The following FMN1 variants were observed in gnomAD, a reference collection of about 807,000 sequenced individuals.
FMN1 encodes formin 1.
In FMN1, 110 loss-of-function variants were observed where a neutral mutation model predicts 132.4. The observed-to-expected ratio is 0.83, with a 90% confidence interval of 0.71 to 0.97. FMN1 has a LOEUF of 0.97. Among genes scored for constraint, FMN1 ranks in the 50% least tolerant of loss-of-function variants. The pLI is 0.00. For synonymous variants in FMN1, 722 were observed against 651.7 expected (o/e 1.11, Z -1.64); for missense variants, 1,792 against 1,705.3 (o/e 1.05, Z -0.90).
chr15:32,826,377 G>A (rs1215640919), intron 17 of FMN1, among the ~76,000 whole-genome samples: 1 of 152,180 alleles, frequency 6.6e-6, no homozygotes, highest in Non-Finnish European at 1.5e-5. Context: ...CACTGAGATC[G>A]AATTCCCTGG....
At chr15:33,087,377 C>T (rs1485286999) in intron 5 of FMN1, among the ~76,000 whole-genome samples, 2 of 152,074 alleles carry the variant, frequency 1.3e-5, no homozygotes, top group Admixed American at 6.5e-5. Flanking sequence ...GAAACCCCAT[C>T]TCTACTAAAA....
At chr15:32,783,626 C>T (rs990759918) in intron 19 of FMN1, among the ~76,000 whole-genome samples, 3 of 151,568 alleles carry the variant, frequency 2.0e-5, no homozygotes, top group Non-Finnish European at 4.4e-5. Context: ...GCCTGTAGTC[C>T]CAGCTACTCA....
At chr15:33,069,991 CTCTTTTTTTTTTT>C (rs1430709136) in intron 5 of FMN1, among the ~76,000 whole-genome samples, 2 of 59,552 alleles carry the variant, frequency 3.4e-5, no homozygotes, top group African/African-American at 9.8e-5. Flanking sequence ...ATCAGTCTTT[CTCTTTTTTTTTTT>C]TTTTTTTTTT....
intron 6 of FMN1, among the ~76,000 whole-genome samples, chr15:33,008,646 T>C (rs1566819473): frequency 6.6e-6 from 1 of 152,286 alleles, no homozygotes; most frequent in East Asian, 1.9e-4. Context: ...CAAAAATAAA[T>C]TTCTGGTCCA....
At chr15:32,993,675 G>GT (rs1475927289) in intron 7 of FMN1, among the ~76,000 whole-genome samples, 1 of 152,174 alleles carries the variant, frequency 6.6e-6, no homozygotes, top group Non-Finnish European at 1.5e-5. Context: ...GAATCAAGCT[G>GT]TACACATTTA....
At chr15:33,138,225 G>A (rs150767248) in intron 4 of FMN1, among the ~76,000 whole-genome samples, 4 of 152,288 alleles carry the variant, frequency 2.6e-5, no homozygotes, top group Non-Finnish European at 5.9e-5. Context: ...TCTGTCAGCA[G>A]GAACACTATC....
chr15:33,160,063 T>A (rs1052928208), intron 3 of FMN1, among the ~76,000 whole-genome samples: 1 of 152,076 alleles, frequency 6.6e-6, no homozygotes, highest in African/African-American at 2.4e-5. Flanking sequence ...AGCCCAGAAG[T>A]ATGGGAAAGA....
chr15:32,908,260 C>G lies in FMN1; in HGVS notation c.3377+230G>C, dbSNP rs969308906. ...AGTTGCTAGAAAAAGAAAGGGGAGT[C>G]TCTTGGGGTGGGGGAGGGGGGTGAG... On this transcript the variant is annotated intron_variant, in intron 12 of 20. Transcript: ENST00000616417. The G allele has an allele frequency of 4.9e-5, 22 of 451,856 alleles. No individual in the cohort carries two copies. In the Admixed American group the frequency reaches 4.9e-4, roughly 10 times the overall value. The allele number at this position is 451,856 out of a possible 1,614,324, so 28.0% of individuals were successfully genotyped here. A position where few individuals can be genotyped will look rare whatever the true frequency, so the allele number is the denominator to read the frequency against.
At chr15:32,988,940 G>A (rs544726665) in intron 7 of FMN1, among the ~76,000 whole-genome samples, 7 of 152,270 alleles carry the variant, frequency 4.6e-5, no homozygotes, top group African/African-American at 2.4e-5. Context: ...TTGTCTAAAC[G>A]CACAACATCT....
chr15:32,772,273 G>C lies in FMN1; in HGVS notation c.*2037C>G, dbSNP rs28728267. ...GTAAGCATCCTACTTACAGACCAAA[G>C]TGGACTGCAATGAGTACACCTCAAA... On this transcript the variant is annotated 3_prime_UTR_variant, in exon 21 of 21. Transcript: ENST00000616417. 0.57 allele frequency: 85,861 copies of C among 151,760 alleles called. 24,685 individuals carry two copies. The highest frequency in any genetic ancestry group is 0.77 in the East Asian group (3,951 of 5,158). The allele number at this position is 151,760 out of a possible 1,614,324, so 9.4% of individuals were successfully genotyped here.
intron 17 of FMN1, among the ~76,000 whole-genome samples, chr15:32,808,081 G>A (rs2057743998): frequency 6.6e-6 from 1 of 152,150 alleles, no homozygotes; most frequent in Admixed American, 6.5e-5. Context: ...GGTCACTGTG[G>A]GCCAAGTATA....
intron 17 of FMN1, among the ~76,000 whole-genome samples, chr15:32,848,326 A>ATGTGTGTGCACG (rs144036671): frequency 7.2e-6 from 1 of 138,652 alleles, no homozygotes; most frequent in African/African-American, 3.3e-5. Flanking sequence ...CAGCAGGTTC[A>ATGTGTGTGCACG]TGTGTGTGCA....
intron 7 of FMN1, among the ~76,000 whole-genome samples, chr15:32,972,192 G>A (rs1335728907): frequency 2.0e-5 from 3 of 152,108 alleles, no homozygotes; most frequent in African/African-American, 7.2e-5. Context: ...CTAATGCCTG[G>A]CAGATCAGAG....
intron 6 of FMN1, among the ~76,000 whole-genome samples, chr15:33,035,259 T>G (rs1005622011): frequency 2.6e-4 from 40 of 152,244 alleles, no homozygotes; most frequent in African/African-American, 9.6e-4. Flanking sequence ...GATGTGACAG[T>G]ATCTGTGATT....
Position 33,065,060 on chromosome 15 carries a change from C to A in FMN1, c.2058G>T (p.Leu686=). ...CAGGAGTCCTGTCATCCTGCTCAGT[C>A]AGGCTGTGGTCAGGCTGTTGAAAGA... ...LYLDLHPDHS[L]TEQDDRTPGR... Residue 686 remains leucine, a synonymous_variant, in exon 6 of 21, where the codon CTG becomes CTT. Coordinates refer to ENST00000616417, the MANE Select transcript of FMN1 (RefSeq NM_001277313.2). The A allele has an allele frequency of 6.2e-7, 1 of 1,609,668 alleles. No homozygotes were observed. The highest frequency in any genetic ancestry group is 8.5e-7 in the Non-Finnish European group (1 of 1,177,810).
chr15:32,775,789 A>T (rs1429123814), intron 20 of FMN1, among the ~76,000 whole-genome samples: 8 of 152,234 alleles, frequency 5.3e-5, no homozygotes, highest in Admixed American at 2.0e-4. Flanking sequence ...TTTGTAACTT[A>T]GAACCCATTT....
At chr15:32,925,258 T>C (rs2060930623) in intron 10 of FMN1, among the ~76,000 whole-genome samples, 2 of 152,200 alleles carry the variant, frequency 1.3e-5, no homozygotes, top group South Asian at 2.1e-4. Context: ...ATCATTATTT[T>C]GAAAACTTCT....
At chr15:32,892,399 G>A (rs1324167539) in intron 15 of FMN1, among the ~76,000 whole-genome samples, 1 of 152,104 alleles carries the variant, frequency 6.6e-6, no homozygotes, top group Non-Finnish European at 1.5e-5. Context: ...TGCATCCCTG[G>A]TATGAAACCC....
rs1555447342 is a variant in FMN1 at position 32,765,636 on chromosome 15, T to TTCTC, written c.*8670_*8673dup. On this transcript the variant is annotated 3_prime_UTR_variant, in exon 21 of 21. Coordinates refer to ENST00000616417, the MANE Select transcript of FMN1 (RefSeq NM_001277313.2). ...TCTCTGTAAATTCCAAAAAATATAA[T>TTCTC]TCTCTTAAAACAAATTAACAGAGGT... 32 of 152,082 alleles carry TTCTC rather than the reference T, an allele frequency of 2.1e-4. 1 individual carries two copies. Among genetic ancestry groups the TTCTC allele is most frequent in the South Asian group, 8.3e-4 (4 of 4,812 alleles). The allele number at this position is 152,082 out of a possible 1,614,324, so 9.4% of individuals were successfully genotyped here. A position where few individuals can be genotyped will look rare whatever the true frequency, so the allele number is the denominator to read the frequency against.
Sources: allele counts gnomAD v4.1 joint callset (sites outside exome capture counted in the v4.1 genomes callset), GRCh38; gene constraint gnomAD v4.1.1; transcripts MANE v1.5; gene names NCBI Gene and HGNC (gene_info 2026-07-23, HGNC 2026-07-21).